Variants in MMP16 observed in about 807,000 individuals in gnomAD.
The protein encoded by MMP16 is matrix metalloproteinase-16.
In MMP16, 12 loss-of-function variants were observed where a neutral mutation model predicts 67.8. The observed-to-expected ratio is 0.18, with a 90% confidence interval of 0.11 to 0.29. The LOEUF (loss-of-function observed/expected upper bound fraction) is 0.29. Ranked by LOEUF, MMP16 falls within the 10% of genes least tolerant of loss-of-function variation. The pLI, the probability that MMP16 is intolerant of heterozygous loss-of-function variation, is 1.00. For synonymous variants in MMP16, 249 were observed against 255.9 expected (o/e 0.97, Z 0.26); for missense variants, 475 against 765.7 (o/e 0.62, Z 4.48).
chr8:88,079,292 A>T (rs895193077), intron 6 of MMP16, among the ~76,000 whole-genome samples: 1 of 152,096 alleles, frequency 6.6e-6, no homozygotes, highest in Non-Finnish European at 1.5e-5. Flanking sequence ...CAGCATAATA[A>T]GGTATTTTGA....
intron 1 of MMP16, among the ~76,000 whole-genome samples, chr8:88,304,038 T>G (rs375265685): frequency 1.3e-4 from 15 of 117,238 alleles, no homozygotes; most frequent in African/African-American, 4.2e-4. Flanking sequence ...GAAAAGAAAC[T>G]AAGAATCATG....
In MMP16 at chr8:88,240,910, T is replaced by G. The variant is rs2129900425; in HGVS notation, c.133-43604A>C. On this transcript the variant is annotated intron_variant, in intron 1 of 9. Coordinates refer to ENST00000286614, the MANE Select transcript of MMP16 (RefSeq NM_005941.5). The stretch of plus-strand genomic sequence containing the variant: ...TGGATCCACAGCATTGTATGTTTAT[T>G]ATGTCACAGTCTGATTTTTCTACTT... Among the ~76,000 whole-genome samples, 3 of 152,326 alleles carry G rather than the reference T, an allele frequency of 2.0e-5. 1 individual carries two copies. In the South Asian group the frequency reaches 6.2e-4, roughly 32 times the overall value.
At chr8:88,087,146 C>T (rs1808847308) in intron 6 of MMP16, among the ~76,000 whole-genome samples, 1 of 151,800 alleles carries the variant, frequency 6.6e-6, no homozygotes, top group Admixed American at 6.6e-5. Flanking sequence ...GCCTATAGTC[C>T]TAAATTAGCA....
At chr8:88,077,635 A>T (rs1202795847) in intron 6 of MMP16, among the ~76,000 whole-genome samples, 1 of 152,206 alleles carries the variant, frequency 6.6e-6, no homozygotes, top group Non-Finnish European at 1.5e-5. Flanking sequence ...GACCTTACAC[A>T]TAATAGGTGC....
intron 6 of MMP16, among the ~76,000 whole-genome samples, chr8:88,083,628 C>G (rs1304290277): frequency 6.6e-6 from 1 of 151,954 alleles, no homozygotes; most frequent in Non-Finnish European, 1.5e-5. Flanking sequence ...AATTGGTAAT[C>G]AAAGGGAAAG....
intron 8 of MMP16, among the ~76,000 whole-genome samples, chr8:88,051,286 A>C (rs1808267824): frequency 6.6e-6 from 1 of 152,208 alleles, no homozygotes; most frequent in Non-Finnish European, 1.5e-5. Context: ...AAGCTTATAG[A>C]TGCATTGAGA....
chr8:88,327,047 G>A, intron 1 of MMP16, 28 bp downstream of exon 1: 1 of 1,612,890 alleles, frequency 6.2e-7, no homozygotes. Flanking sequence ...AGGCAGCGGG[G>A]GGAGGAAGAA....
At chr8:88,308,229 G>A (rs894822960) in intron 1 of MMP16, among the ~76,000 whole-genome samples, 2 of 152,048 alleles carry the variant, frequency 1.3e-5, no homozygotes, top group African/African-American at 4.8e-5. Context: ...CAAGCTCCTT[G>A]ACTTTAGACC....
chr8:88,261,432 T>C (rs907036016), intron 1 of MMP16, among the ~76,000 whole-genome samples: 7 of 152,076 alleles, frequency 4.6e-5, no homozygotes, highest in African/African-American at 1.4e-4. Flanking sequence ...CAATTTATAA[T>C]AGCATTATAA....
intron 1 of MMP16, among the ~76,000 whole-genome samples, chr8:88,325,810 C>T (rs28907880): frequency 1.3e-5 from 2 of 152,120 alleles, no homozygotes; most frequent in Non-Finnish European, 2.9e-5. Flanking sequence ...ATAGCTCTTA[C>T]TTTTTCAAAT....
chr8:88,263,328 T>C (rs1231657014), intron 1 of MMP16, among the ~76,000 whole-genome samples: 2 of 152,126 alleles, frequency 1.3e-5, no homozygotes, highest in Non-Finnish European at 2.9e-5. Flanking sequence ...TCCTCTCAAA[T>C]GTATCACAGT....
At chr8:88,159,157 T>G (rs193231077) in intron 4 of MMP16, among the ~76,000 whole-genome samples, 1 of 152,304 alleles carries the variant, frequency 6.6e-6, no homozygotes, top group East Asian at 1.9e-4. Context: ...GGGCTCTCTT[T>G]TGGGTCCATA....
intron 1 of MMP16, among the ~76,000 whole-genome samples, chr8:88,280,969 C>G (rs904613564): frequency 6.6e-6 from 1 of 152,104 alleles, no homozygotes; most frequent in Non-Finnish European, 1.5e-5. Context: ...CAGTACATTG[C>G]TATTAGCTTT....
chr8:88,077,882 A>C (rs572146743), intron 6 of MMP16, among the ~76,000 whole-genome samples: 1 of 152,340 alleles, frequency 6.6e-6, no homozygotes, highest in South Asian at 2.1e-4. Flanking sequence ...TATGATACTT[A>C]AAGGTCTTTG....
At chr8:88,326,913 A>C in intron 1 of MMP16, 162 bp downstream of exon 1, 1 of 781,870 alleles carries the variant, frequency 1.3e-6, no homozygotes, top group East Asian at 2.8e-5. Context: ...CGCATCCGTC[A>C]CCTAAAACAC....
chr8:88,254,442 C>A lies in MMP16; in HGVS notation c.133-57136G>T, dbSNP rs557277164. The stretch of plus-strand genomic sequence containing the variant: ...CCTATATAAAAAACCTGCATATATA[C>A]CCCTGAACTTAAAATAAAAGTTAAA... On this transcript the variant is annotated intron_variant, in intron 1 of 9. Transcript: ENST00000286614. Among the ~76,000 whole-genome samples, 4 of 151,576 alleles carry A rather than the reference C, an allele frequency of 2.6e-5. 1 individual carries two copies. The South Asian group carries it at 6.3e-4, about 24-fold the overall frequency.
In MMP16 at chr8:88,104,069, G is replaced by T. The variant is rs1320903827; in HGVS notation, c.1083+12438C>A. Among the ~76,000 whole-genome samples, 3 of 151,478 alleles carry T rather than the reference G, an allele frequency of 2.0e-5. No individual in the cohort carries two copies. The East Asian group carries it at 5.9e-4, about 30-fold the overall frequency. ...CCTATTTTATTTTAAAAATTAGTAT[G>T]GCTTCACCATCACTTAATATATTAC... On this transcript the variant is annotated intron_variant, in intron 6 of 9. Coordinates refer to ENST00000286614, the MANE Select transcript of MMP16 (RefSeq NM_005941.5).
intron 1 of MMP16, among the ~76,000 whole-genome samples, chr8:88,208,417 A>C (rs1308810285): frequency 6.6e-6 from 1 of 152,194 alleles, no homozygotes; most frequent in African/African-American, 2.4e-5. Context: ...CCAGTAAGGC[A>C]AGTTCTTCTT....
At chr8:88,218,345 T>C (rs1238254758) in intron 1 of MMP16, among the ~76,000 whole-genome samples, 1 of 151,878 alleles carries the variant, frequency 6.6e-6, no homozygotes, top group Non-Finnish European at 1.5e-5. Context: ...GTAGGGGAAA[T>C]TGAAGGATTT....
Sources: gnomAD v4.1 joint callset for allele counts (sites outside exome capture counted in the v4.1 genomes callset) on GRCh38, gnomAD v4.1.1 for gene constraint, MANE v1.5 for transcripts, NCBI Gene and HGNC (gene_info 2026-07-23, HGNC 2026-07-21) for gene names.